The following DCBLD1 variants were observed in gnomAD, a reference collection of about 807,000 sequenced individuals.
DCBLD1 encodes the protein discoidin, CUB and LCCL domain-containing protein 1.
A neutral mutation model predicts 71.5 loss-of-function variants in DCBLD1; 57 were observed. The ratio of observed to expected loss-of-function variants is 0.80; its 90% CI spans 0.64 to 0.99. DCBLD1 has a LOEUF of 0.99. Among genes scored for constraint, DCBLD1 ranks in the 50% least tolerant of loss-of-function variants. The pLI is 0.00. For synonymous variants in DCBLD1, 380 were observed against 363.8 expected, an observed-to-expected ratio of 1.04 and a Z score of -0.51; for missense variants, 891 against 923.5, an observed-to-expected ratio of 0.96 and a Z score of 0.46.
At chr6:117,492,691 C>T (rs1321808) in intron 1 of DCBLD1, among the ~76,000 whole-genome samples, 4,651 of 152,204 alleles carry the variant, frequency 0.031, 85 homozygotes, top group Non-Finnish European at 0.038. Context: ...TGTGCAAAAG[C>T]AGTAAAGTTT....
intron 1 of DCBLD1, among the ~76,000 whole-genome samples, chr6:117,491,288 T>C (rs1223169626): frequency 6.6e-6 from 1 of 152,202 alleles, no homozygotes; most frequent in Non-Finnish European, 1.5e-5. Context: ...GAATGGAGGC[T>C]GCTTATTTTG....
At chr6:117,483,140 A>G (rs1422322319) in intron 1 of DCBLD1, among the ~76,000 whole-genome samples, 4 of 151,846 alleles carry the variant, frequency 2.6e-5, no homozygotes, top group African/African-American at 7.3e-5. Context: ...CCCCAAAACC[A>G]GAGAATTAAC....
chr6:117,545,062 A>G (rs1192816043), intron 13 of DCBLD1, among the ~76,000 whole-genome samples: 1 of 151,086 alleles, frequency 6.6e-6, no homozygotes, highest in Admixed American at 6.6e-5. Flanking sequence ...TGAGTTAGCC[A>G]TGGTCCAGAG....
intron 3 of DCBLD1, among the ~76,000 whole-genome samples, chr6:117,520,742 C>T (rs1562447179): frequency 6.6e-6 from 1 of 152,238 alleles, no homozygotes; most frequent in South Asian, 2.1e-4. Flanking sequence ...CCAAATCTGC[C>T]TATGGTCATA....
intron 1 of DCBLD1, chr6:117,494,732 A>G (rs1777414305): frequency 6.6e-6 from 1 of 152,184 alleles, no homozygotes; most frequent in Non-Finnish European, 1.5e-5. Context: ...AAGTCACATA[A>G]TATAACTTCA....
At position 117,503,960 on chromosome 6, in the gene DCBLD1, C is replaced by T. The variant is rs761543031; in HGVS notation, c.306C>T (p.Thr102=). 6.2e-7 allele frequency: 1 copy of T among 1,613,964 alleles called. No homozygotes were observed. The highest frequency in any genetic ancestry group is 8.5e-7 in the Non-Finnish European group (1 of 1,179,880). ...GTGCTTCTGACTATCTTCTCTTCAC[C>T]AGCTCTTCAGATCAATATGGTAAGA... ...QTCASDYLLF[T]SSSDQYGPYC... Residue 102 remains threonine (T), a synonymous_variant, in exon 2 of 15, where the codon ACC becomes ACT. Transcript: ENST00000338728.
Position 117,519,808 on chromosome 6 carries a change from GT to G in DCBLD1, c.326-3del. On this transcript the variant is annotated splice_region_variant and splice_polypyrimidine_tract_variant and intron_variant, in intron 2 of 14. Coordinates refer to ENST00000338728, the MANE Select transcript of DCBLD1 (RefSeq NM_001366458.2). ...TTGAAATGTGCCACAAGTGTGCTTT[GT>G]TTTTAGGTCCATACTGTGGAAGTAT... The G allele has an allele frequency of 6.2e-7, 1 of 1,602,682 alleles. No homozygotes were observed. The highest frequency in any genetic ancestry group is 8.5e-7 in the Non-Finnish European group (1 of 1,170,312).
At chr6:117,563,685 G>C (rs1416578619) in intron 14 of DCBLD1, among the ~76,000 whole-genome samples, 1 of 150,866 alleles carries the variant, frequency 6.6e-6, no homozygotes, top group Non-Finnish European at 1.5e-5. Flanking sequence ...TCGTACCACC[G>C]CACTCTAGCC....
intron 7 of DCBLD1, among the ~76,000 whole-genome samples, chr6:117,538,133 T>C (rs1006385636): frequency 1.3e-5 from 2 of 152,232 alleles, no homozygotes; most frequent in African/African-American, 4.8e-5. Context: ...CATTGGTATA[T>C]TGGGCATGGT....
chr6:117,548,753 G>C lies in DCBLD1; in HGVS notation c.*314G>C, dbSNP rs1779364083. 1 of 1,225,054 alleles carries C rather than the reference G, an allele frequency of 8.2e-7. No individual in the cohort carries two copies. The highest frequency in any genetic ancestry group is 1.6e-5 in the African/African-American group (1 of 63,516). The allele number at this position is 1,225,054 out of a possible 1,614,324, so 75.9% of individuals were successfully genotyped here. On this transcript the variant is annotated 3_prime_UTR_variant, in exon 15 of 15. Coordinates refer to ENST00000338728, the MANE Select transcript of DCBLD1 (RefSeq NM_001366458.2). Reference sequence around the variant, plus strand: ...TGGTGTTAAAGGTGTAATGTGTACAGAGTTGTATTTAACAATAATAAAAGT... The same window carrying C: ...TGGTGTTAAAGGTGTAATGTGTACACAGTTGTATTTAACAATAATAAAAGT...
chr6:117,510,823 C>T (rs991034061), intron 2 of DCBLD1, among the ~76,000 whole-genome samples: 13 of 152,270 alleles, frequency 8.5e-5, no homozygotes, highest in African/African-American at 2.9e-4. Context: ...TAAAACTATG[C>T]TTATTATGTG....
chr6:117,502,322 A>G (rs753922063), intron 1 of DCBLD1, among the ~76,000 whole-genome samples: 1 of 151,176 alleles, frequency 6.6e-6, no homozygotes, highest in Non-Finnish European at 1.5e-5. Context: ...ATTAAAGCCA[A>G]CTCTATTTCC....
chr6:117,538,899 TGAAAA>T, intron 8 of DCBLD1, 64 bp downstream of exon 8: 2 of 1,494,094 alleles, frequency 1.3e-6, no homozygotes, highest in Non-Finnish European at 1.8e-6. Context: ...GACTCGTAGT[TGAAAA>T]TACGCTTATT....
At chr6:117,515,017 T>TGG (rs368240847) in intron 2 of DCBLD1, among the ~76,000 whole-genome samples, 9 of 141,980 alleles carry the variant, frequency 6.3e-5, no homozygotes, top group African/African-American at 1.8e-4. Context: ...TTACAGTTTG[T>TGG]GGGTTTTTTT....
intron 14 of DCBLD1, among the ~76,000 whole-genome samples, chr6:117,567,212 A>G (rs976050532): frequency 2.0e-5 from 3 of 152,222 alleles, no homozygotes; most frequent in Non-Finnish European, 4.4e-5. Flanking sequence ...ATGTCTGATC[A>G]GCCTCGTGAA....
At position 117,541,031 on chromosome 6, in the gene DCBLD1, G is replaced by A; in HGVS notation, c.1357+6G>A. ...CTCGGAAGAAACATCCACAGGTAGA[G>A]CCGTGATTGTCTGTGGTTTCATAAG... On this transcript the variant is annotated splice_donor_region_variant and intron_variant, in intron 11 of 14. Transcript: ENST00000338728. The A allele has an allele frequency of 6.2e-7, 1 of 1,613,908 alleles. No individual in the cohort carries two copies. The highest frequency in any genetic ancestry group is 1.3e-5 in the African/African-American group (1 of 75,030).
intron 14 of DCBLD1, chr6:117,563,385 C>T: frequency 6.2e-7 from 1 of 1,611,848 alleles, no homozygotes; most frequent in East Asian, 2.2e-5. Context: ...TTATTAAATC[C>T]TGAAAGAAAG....
intron 14 of DCBLD1, among the ~76,000 whole-genome samples, chr6:117,557,923 C>A (rs1779516679): frequency 6.6e-6 from 1 of 152,166 alleles, no homozygotes; most frequent in South Asian, 2.1e-4. Context: ...GGATTTAGCC[C>A]TAGTTACAGG....
chr6:117,494,928 A>G (rs1183416018), intron 1 of DCBLD1: 1 of 152,228 alleles, frequency 6.6e-6, no homozygotes, highest in African/African-American at 2.4e-5. Context: ...TTTCTGGGAA[A>G]TACTGTAAAC....
Sources: allele counts gnomAD v4.1 joint callset (sites outside exome capture counted in the v4.1 genomes callset), GRCh38; gene constraint gnomAD v4.1.1; transcripts MANE v1.5; gene names NCBI Gene and HGNC (gene_info 2026-07-23, HGNC 2026-07-21).